Variants in ATP6V1B2 observed in about 807,000 individuals in gnomAD.
ATP6V1B2 encodes ATPase H+ transporting V1 subunit B2, also known as V-type proton ATPase subunit B, brain isoform.
ATP6V1B2 carries 23 observed loss-of-function variants against 66.7 expected under a neutral mutation model. The observed-to-expected ratio is 0.34, with a 90% CI of 0.25 to 0.49. The LOEUF (loss-of-function observed/expected upper bound fraction) is 0.49, where lower values mean the gene tolerates loss of function less well. Among genes scored for constraint, ATP6V1B2 ranks in the 20% least tolerant of loss-of-function variants. The pLI is 0.99. For synonymous variants in ATP6V1B2, 278 were observed against 236.7 expected (o/e 1.17, Z -1.60); for missense variants, 478 against 650.8 (o/e 0.73, Z 2.89).
At chr8:20,209,715 A>T (rs1374294799) in intron 3 of ATP6V1B2, among the ~76,000 whole-genome samples, 184 bp downstream of exon 3, 1 of 152,204 alleles carries the variant, frequency 6.6e-6, no homozygotes, top group Non-Finnish European at 1.5e-5. Context: ...TCCGATAGCA[A>T]CACTAGTAAG....
chr8:20,199,271 G>A (rs2072659603), intron 1 of ATP6V1B2, among the ~76,000 whole-genome samples: 2 of 152,192 alleles, frequency 1.3e-5, no homozygotes, highest in Non-Finnish European at 2.9e-5. Flanking sequence ...ACTGTTAGAT[G>A]TCAGGGATCC....
chr8:20,220,352 C>T lies in ATP6V1B2; in HGVS notation c.1486C>T (p.Pro496Ser), dbSNP rs2072895587. 1 of 1,596,688 alleles carries T rather than the reference C, an allele frequency of 6.3e-7. No homozygotes were observed. Among genetic ancestry groups the T allele is most frequent in the Non-Finnish European group, 8.5e-7 (1 of 1,173,786 alleles). Reference protein sequence around the residue: ...IFPKEMLKRIPQSTLSEFYPR... With the variant: ...IFPKEMLKRISQSTLSEFYPR... ...CCCCAAAGAAATGCTGAAGAGAATC[C>T]CTCAGAGCACCCTCAGCGAATTTTA... The change falls in exon 14 of 14, where the codon CCT becomes TCT. Residue 496 changes from proline to serine, a missense_variant. Transcript: ENST00000276390.
Position 20,220,986 on chromosome 8 carries a change from C to T in ATP6V1B2, c.*584C>T, listed in dbSNP as rs1418873378. On this transcript the variant is annotated 3_prime_UTR_variant, in exon 14 of 14. Coordinates refer to ENST00000276390, the MANE Select transcript of ATP6V1B2 (RefSeq NM_001693.4). ...AGGAGTTTTCTTTTTCTCTTTAGTACTTACGTATTGGGATTCCTGTGTCTT... is the reference window on the plus strand; with the variant it reads ...AGGAGTTTTCTTTTTCTCTTTAGTATTTACGTATTGGGATTCCTGTGTCTT... 6.6e-6 allele frequency: 1 copy of T among 152,104 alleles called. No homozygotes were observed. The highest frequency in any genetic ancestry group is 1.5e-5 in the Non-Finnish European group (1 of 68,042). The allele number at this position is 152,104 out of a possible 1,614,324, so 9.4% of individuals were successfully genotyped here.
In ATP6V1B2 at chr8:20,212,120, C is replaced by A. The variant is rs748057717; in HGVS notation, c.724C>A (p.Arg242=). The A allele has an allele frequency of 6.2e-7, 1 of 1,613,476 alleles. No individual in the cohort carries two copies. Among genetic ancestry groups the A allele is most frequent in the South Asian group, 1.1e-5 (1 of 91,056 alleles). ...TATTTAGGTAAACATGGAAACTGCC[C>A]GGTTCTTCAAATCTGACTTTGAAGA... ...AAMGVNMETA[R]FFKSDFEENG... The change falls in exon 8 of 14, where the codon CGG becomes AGG. Residue 242 remains arginine (R), a synonymous_variant. Transcript: ENST00000276390.
Position 20,213,020 on chromosome 8 carries a change from TA to T in ATP6V1B2, c.927+117del, listed in dbSNP as rs2072811376. 7 of 1,362,276 alleles carry T rather than the reference TA, an allele frequency of 5.1e-6. 1 individual carries two copies. The Admixed American group carries it at 1.5e-4, about 29-fold the overall frequency. 84.4% of individuals were successfully genotyped at this position (1,362,276 alleles called of 1,614,324 possible). On this transcript the variant is annotated intron_variant, in intron 9 of 13. Transcript: ENST00000276390. ...TTTTTTAATTCCACTGTTCATATAT[TA>T]ATAGAATGCCTTAATAAATCAGAAA...
At chr8:20,198,894 C>G (rs2072655445) in intron 1 of ATP6V1B2, among the ~76,000 whole-genome samples, 1 of 152,202 alleles carries the variant, frequency 6.6e-6, no homozygotes, top group African/African-American at 2.4e-5. Context: ...AGGAAATCGG[C>G]AGATGTTGCA....
intron 10 of ATP6V1B2, 181 bp downstream of exon 10, chr8:20,215,149 G>A: frequency 1.5e-6 from 1 of 679,724 alleles, no homozygotes; most frequent in Non-Finnish European, 2.2e-6. Flanking sequence ...TATTGTGGAG[G>A]AAAAGCAATT....
chr8:20,217,191 A>G (rs1585254429), intron 11 of ATP6V1B2, 29 bp from the exon 12 acceptor site: 5 of 1,541,996 alleles, frequency 3.2e-6, no homozygotes, highest in African/African-American at 1.4e-5. Flanking sequence ...ACTTAAATAT[A>G]GTATTTTTTC....
chr8:20,204,563 C>A (rs1221115317), intron 2 of ATP6V1B2, 24 bp downstream of exon 2: 4 of 1,588,544 alleles, frequency 2.5e-6, no homozygotes, highest in Non-Finnish European at 3.4e-6. Flanking sequence ...CTGTTTTGGT[C>A]TATTTATGTA....
At chr8:20,216,571 T>A in intron 11 of ATP6V1B2, 76 bp downstream of exon 11, 1 of 1,383,106 alleles carries the variant, frequency 7.2e-7, no homozygotes, top group Non-Finnish European at 1.0e-6. Flanking sequence ...GATTTTGCTC[T>A]TAGGAATTGC....
At chr8:20,214,563 A>G in intron 9 of ATP6V1B2, 1 of 291,820 alleles carries the variant, frequency 3.4e-6, no homozygotes, top group Non-Finnish European at 6.2e-6. Flanking sequence ...TCTTCTAGCA[A>G]ACTATTTGAA....
intron 2 of ATP6V1B2, among the ~76,000 whole-genome samples, chr8:20,207,172 A>G (rs923774677): frequency 2.0e-5 from 3 of 152,212 alleles, no homozygotes; most frequent in South Asian, 2.1e-4. Context: ...AAAAGACTCA[A>G]TTCTCCCCAA....
At chr8:20,217,415 C>T in intron 12 of ATP6V1B2, 91 bp downstream of exon 12, 1 of 1,128,992 alleles carries the variant, frequency 8.9e-7, no homozygotes, top group Non-Finnish European at 1.3e-6. Context: ...CCACTTCTCT[C>T]TTCCCCATCC....
chr8:20,206,597 G>C (rs2072740377), intron 2 of ATP6V1B2, among the ~76,000 whole-genome samples: 1 of 152,172 alleles, frequency 6.6e-6, no homozygotes. Flanking sequence ...TGATCATAGA[G>C]TGAGGCCCTG....
intron 10 of ATP6V1B2, chr8:20,215,486 T>A (rs1242623579): frequency 6.6e-6 from 1 of 152,380 alleles, no homozygotes; most frequent in Non-Finnish European, 1.5e-5. Context: ...ATTCCTCTCC[T>A]GTGTTGCCTC....
At chr8:20,197,808 C>T (rs1015627269) in intron 1 of ATP6V1B2, among the ~76,000 whole-genome samples, 7 of 152,204 alleles carry the variant, frequency 4.6e-5, no homozygotes, top group African/African-American at 1.7e-4. Flanking sequence ...CTCCCCTCCC[C>T]AGCTTCCCTA....
Position 20,203,978 on chromosome 8 carries a change from T to C in ATP6V1B2, c.137-506T>C, listed in dbSNP as rs114901503. The C allele has an allele frequency of 1.9e-3, 851 of 456,068 alleles. 14 individuals are homozygous for C. The highest frequency in any genetic ancestry group is 0.015 in the African/African-American group (769 of 50,172). The allele number at this position is 456,068 out of a possible 1,614,324, so 28.3% of individuals were successfully genotyped here. A position where few individuals can be genotyped will look rare whatever the true frequency, so the allele number is the denominator to read the frequency against. ...TTGCAGGCTATACAATTTCTCCAAT[T>C]TCCTTTGTGACTTTTGTCACTTCTG... On this transcript the variant is annotated intron_variant, in intron 1 of 13. Transcript: ENST00000276390.
At chr8:20,209,317 C>A in intron 2 of ATP6V1B2, 116 bp from the exon 3 acceptor site, 1 of 992,460 alleles carries the variant, frequency 1.0e-6, no homozygotes, top group Non-Finnish European at 1.5e-6. Context: ...AAACCTGTGT[C>A]TGTGAAGAGT....
intron 4 of ATP6V1B2, 56 bp from the exon 5 acceptor site, chr8:20,210,513 T>A: frequency 3.1e-6 from 5 of 1,608,622 alleles, no homozygotes; most frequent in Non-Finnish European, 4.3e-6. Context: ...CTTTTAAAAA[T>A]TATGAACATT....
Sources: gnomAD v4.1 joint callset for allele counts (sites outside exome capture counted in the v4.1 genomes callset) on GRCh38, gnomAD v4.1.1 for gene constraint, MANE v1.5 for transcripts, NCBI Gene and HGNC (gene_info 2026-07-23, HGNC 2026-07-21) for gene names.